PRELID2: variants seen among roughly 807,000 people sequenced by gnomAD.
PRELID2 encodes the protein PRELI domain containing 2, also known as PRELI domain-containing protein 2.
In PRELID2, 25 loss-of-function variants were observed where a neutral mutation model predicts 28.4. That is an observed-to-expected ratio of 0.88 (90% CI 0.64 to 1.23). The LOEUF (loss-of-function observed/expected upper bound fraction) is 1.23, where lower values mean the gene tolerates loss of function less well. Ranked by LOEUF, PRELID2 falls within the 50% of genes most tolerant of loss-of-function variation. PRELID2 has a pLI of 0.00. For synonymous variants in PRELID2, 76 were observed against 71.6 expected, an observed-to-expected ratio of 1.06 and a Z score of -0.31; for missense variants, 201 against 214.4, an observed-to-expected ratio of 0.94 and a Z score of 0.39.
chr5:145,232,138 G>T, the PRELID2 span, among the ~76,000 whole-genome samples: 1 of 152,150 alleles, frequency 6.6e-6, no homozygotes, highest in South Asian at 2.1e-4. Context: ...GCTGAGTGAC[G>T]CCTTAGTGAG....
chr5:145,450,838 T>C, the PRELID2 span: 18 of 152,224 alleles, frequency 1.2e-4, no homozygotes, highest in East Asian at 3.5e-3. Context: ...CAGAGACTTG[T>C]CAAAGGCATA....
intron 1 of PRELID2, among the ~76,000 whole-genome samples, chr5:145,642,850 C>G (rs1400574837): frequency 6.6e-6 from 1 of 152,014 alleles, no homozygotes; most frequent in Admixed American, 6.5e-5. Context: ...ATTTCTGACA[C>G]CTCTGTTCTG....
chr5:145,716,955 G>A (rs754968003), intron 1 of PRELID2, among the ~76,000 whole-genome samples: 1 of 152,090 alleles, frequency 6.6e-6, no homozygotes, highest in Non-Finnish European at 1.5e-5. Context: ...GATATTGACT[G>A]ACACAACTCA....
the PRELID2 span, among the ~76,000 whole-genome samples, chr5:145,322,220 A>T: frequency 1.9e-4 from 29 of 152,316 alleles, no homozygotes; most frequent in South Asian, 6.0e-3. Context: ...AGTCCATTTG[A>T]AAGCACTTGT....
chr5:145,565,948 T>G (rs1450373048), intron 1 of PRELID2, among the ~76,000 whole-genome samples: 1 of 152,252 alleles, frequency 6.6e-6, no homozygotes, highest in Non-Finnish European at 1.5e-5. Flanking sequence ...GTAGATAGAA[T>G]GACCACATGG....
downstream of PRELID2, among the ~76,000 whole-genome samples, chr5:145,468,253 T>C (rs889838003): frequency 3.9e-5 from 6 of 152,220 alleles, no homozygotes; most frequent in African/African-American, 1.4e-4. Context: ...AACTCATCAC[T>C]TTTTATGGCT....
At chr5:145,629,726 G>A (rs1052662348) in intron 1 of PRELID2, among the ~76,000 whole-genome samples, 1 of 151,686 alleles carries the variant, frequency 6.6e-6, no homozygotes, top group African/African-American at 2.4e-5. Flanking sequence ...GGCATAGAGG[G>A]CTTTAAAACT....
chr5:145,321,155 G>T, the PRELID2 span, among the ~76,000 whole-genome samples: 2 of 152,250 alleles, frequency 1.3e-5, no homozygotes, highest in African/African-American at 4.8e-5. Context: ...ATATAGCACA[G>T]TAGCTGTGTT....
chr5:145,522,498 G>A (rs982062517), intron 1 of PRELID2, among the ~76,000 whole-genome samples: 3 of 151,922 alleles, frequency 2.0e-5, no homozygotes, highest in African/African-American at 7.3e-5. Context: ...AAGAGTTCAT[G>A]TTTTCACTTC....
the PRELID2 span, among the ~76,000 whole-genome samples, chr5:145,370,545 T>G: frequency 6.6e-6 from 1 of 152,270 alleles, no homozygotes; most frequent in East Asian, 1.9e-4. Flanking sequence ...CAGTTTGAAG[T>G]CAGGTAGCAT....
intron 1 of PRELID2, among the ~76,000 whole-genome samples, chr5:145,744,398 G>A (rs550900318): frequency 1.3e-5 from 2 of 152,204 alleles, no homozygotes; most frequent in Non-Finnish European, 2.9e-5. Context: ...ACTCAACTGG[G>A]TGAGACCCTC....
intron 1 of PRELID2, among the ~76,000 whole-genome samples, chr5:145,576,006 C>T (rs938792183): frequency 3.3e-5 from 5 of 152,128 alleles, no homozygotes; most frequent in African/African-American, 1.2e-4. Flanking sequence ...TGAAAATCTC[C>T]TTCTAGACAT....
chr5:145,486,129 A>G (rs369699081), intron 1 of PRELID2, among the ~76,000 whole-genome samples: 13 of 152,316 alleles, frequency 8.5e-5, no homozygotes, highest in East Asian at 1.9e-4. Flanking sequence ...CAAAAAGCCA[A>G]TGACTTCACT....
chr5:145,661,540 G>A (rs978159701), intron 1 of PRELID2, among the ~76,000 whole-genome samples: 1 of 151,880 alleles, frequency 6.6e-6, no homozygotes, highest in Non-Finnish European at 1.5e-5. Flanking sequence ...ATAGAAGAAT[G>A]GACCCTGTCA....
At chr5:145,327,548 T>A in the PRELID2 span, among the ~76,000 whole-genome samples, 1 of 152,074 alleles carries the variant, frequency 6.6e-6, no homozygotes, top group South Asian at 2.1e-4. Context: ...TATTACTGGA[T>A]CTTGTCTTTT....
At chr5:145,751,712 T>A (rs1028851238), downstream of PRELID2, among the ~76,000 whole-genome samples, 6 of 152,206 alleles carry the variant, frequency 3.9e-5, no homozygotes, top group African/African-American at 1.4e-4. Flanking sequence ...CCAGGCACGG[T>A]GGCTCACGCC....
chr5:145,453,508 G>T, the PRELID2 span, among the ~76,000 whole-genome samples: 1 of 152,052 alleles, frequency 6.6e-6, no homozygotes, highest in African/African-American at 2.4e-5. Context: ...TACATGTGCA[G>T]AACGTGCAGG....
intron 1 of PRELID2, among the ~76,000 whole-genome samples, chr5:145,596,462 TGATTC>T (rs1753308240): frequency 1.3e-5 from 2 of 151,980 alleles, no homozygotes; most frequent in Admixed American, 1.3e-4. Context: ...AAACATTGGG[TGATTC>T]TTGTTCTTGT....
intron 4 of PRELID2, among the ~76,000 whole-genome samples, chr5:145,799,494 G>C (rs1421731873): frequency 6.6e-6 from 1 of 152,118 alleles, no homozygotes; most frequent in African/African-American, 2.4e-5. Context: ...TCACTGGCTA[G>C]TGGAAAAGGC....
Sources: allele counts gnomAD v4.1 joint callset (sites outside exome capture counted in the v4.1 genomes callset), GRCh38; gene constraint gnomAD v4.1.1; transcripts MANE v1.5; gene names NCBI Gene and HGNC (gene_info 2026-07-23, HGNC 2026-07-21).